RAD23B: variants seen among roughly 807,000 people sequenced by gnomAD.
The protein encoded by RAD23B is RAD23 nucleotide excision repair protein B.
In RAD23B, 5 loss-of-function variants were observed where a neutral mutation model predicts 49.1. That is an observed-to-expected ratio of 0.10 (90% CI 0.05 to 0.21). RAD23B has a LOEUF of 0.21. Among genes scored for constraint, RAD23B ranks in the 10% least tolerant of loss-of-function variants. RAD23B has a pLI of 1.00. For synonymous variants in RAD23B, 184 were observed against 165.4 expected (o/e 1.11, Z -0.86); for missense variants, 356 against 486.7 (o/e 0.73, Z 2.53).
chr9:107,325,146 C>T (rs1287470888), intron 9 of RAD23B, 142 bp downstream of exon 9: 1 of 643,494 alleles, frequency 1.6e-6, no homozygotes, highest in African/African-American at 1.9e-5. Context: ...GAAACCCCAT[C>T]TCTACTAAAA....
In RAD23B at chr9:107,329,687, C is replaced by T. The variant is rs374812476; in HGVS notation, c.*31C>T. ...ACTTTTTTATATCTCACACTTCACA[C>T]CAGTGCATTACACTAACTTGTTCAC... On this transcript the variant is annotated 3_prime_UTR_variant, in exon 10 of 10. Transcript: ENST00000358015. 43 of 1,431,522 alleles carry T rather than the reference C, an allele frequency of 3.0e-5. No homozygotes were observed. In the African/African-American group the frequency reaches 5.6e-4, roughly 19 times the overall value. The allele number at this position is 1,431,522 out of a possible 1,614,324, so 88.7% of individuals were successfully genotyped here. A position where few individuals can be genotyped will look rare whatever the true frequency, so the allele number is the denominator to read the frequency against.
intron 5 of RAD23B, among the ~76,000 whole-genome samples, chr9:107,317,694 A>G (rs1827023326): frequency 6.6e-6 from 1 of 151,884 alleles, no homozygotes; most frequent in East Asian, 2.0e-4. Context: ...TGAGGCAACA[A>G]TAAAGGTAAT....
intron 4 of RAD23B, among the ~76,000 whole-genome samples, chr9:107,310,369 T>A (rs1431672464): frequency 6.6e-6 from 1 of 152,140 alleles, no homozygotes; most frequent in African/African-American, 2.4e-5. Flanking sequence ...ATTGATGAAT[T>A]TGACTATAGA....
chr9:107,327,553 T>C (rs947442212), intron 9 of RAD23B, among the ~76,000 whole-genome samples: 21 of 152,202 alleles, frequency 1.4e-4, no homozygotes, highest in Non-Finnish European at 1.0e-4. Flanking sequence ...TGTGTTAATT[T>C]CCACAAGTTT....
In RAD23B at chr9:107,283,711, G is replaced by GGGGGCAGGGGCA. The variant is rs11573612; in HGVS notation, c.66+18_66+29dup. On this transcript the variant is annotated intron_variant, in intron 1 of 9. Coordinates refer to ENST00000358015, the MANE Select transcript of RAD23B (RefSeq NM_002874.5). The stretch of plus-strand genomic sequence containing the variant: ...CGAGGAGACGGTATGCGCGCGGGCC[G>GGGGGCAGGGGCA]GGGGCAGGGGCAGCCGCGTGCGGGC... The GGGGGCAGGGGCA allele has an allele frequency of 9.7e-6, 14 of 1,448,204 alleles. No individual in the cohort carries two copies. Among genetic ancestry groups the GGGGGCAGGGGCA allele is most frequent in the Middle Eastern group, 2.3e-4 (1 of 4,384 alleles). 89.7% of individuals were successfully genotyped at this position (1,448,204 alleles called of 1,614,324 possible). A position where few individuals can be genotyped will look rare whatever the true frequency, so the allele number is the denominator to read the frequency against.
chr9:107,292,173 A>G (rs1833396059), intron 1 of RAD23B, among the ~76,000 whole-genome samples: 1 of 152,224 alleles, frequency 6.6e-6, no homozygotes, highest in African/African-American at 2.4e-5. Context: ...ATTCATTTAT[A>G]TTGCATAATG....
intron 2 of RAD23B, 68 bp from the exon 3 acceptor site, chr9:107,301,967 G>A: frequency 1.3e-6 from 2 of 1,556,036 alleles, no homozygotes; most frequent in South Asian, 1.2e-5. Context: ...CGAGTAGAAA[G>A]TTGTTTTAAC....
At chr9:107,329,392 A>G (rs1827267160) in intron 9 of RAD23B, 151 bp from the exon 10 acceptor site, 2 of 534,504 alleles carry the variant, frequency 3.7e-6, no homozygotes, top group Non-Finnish European at 6.6e-6. Flanking sequence ...AGATGAATTC[A>G]TGTAAAATTC....
chr9:107,289,089 T>G, intron 1 of RAD23B, among the ~76,000 whole-genome samples: 1 of 83,304 alleles, frequency 1.2e-5, no homozygotes, highest in African/African-American at 8.4e-5. Context: ...CCTCCCTCCT[T>G]TCCTCCCTTC....
chr9:107,297,582 G>A (rs1381372813), intron 1 of RAD23B, among the ~76,000 whole-genome samples: 2 of 152,118 alleles, frequency 1.3e-5, no homozygotes, highest in Admixed American at 6.6e-5. Context: ...TAGGTGATCC[G>A]TCTGCCTTGG....
At chr9:107,287,567 T>C (rs10739236) in intron 1 of RAD23B, among the ~76,000 whole-genome samples, 24,871 of 152,168 alleles carry the variant, frequency 0.16, 2,412 homozygotes, top group Admixed American at 0.23. Flanking sequence ...GTGATTGTTA[T>C]AAAATACTGC....
chr9:107,322,010 G>A lies in RAD23B; in HGVS notation c.709G>A (p.Ala237Thr), dbSNP rs1429107999. The A allele has an allele frequency of 6.2e-7, 1 of 1,612,276 alleles. No individual in the cohort carries two copies. The highest frequency in any genetic ancestry group is 8.5e-7 in the Non-Finnish European group (1 of 1,179,298). The part of the protein sequence containing the change: ...MGIPGDRESQ[A>T]VVDPPQAAST... ...AATCCCTGGAGATAGAGAAAGTCAG[G>A]CTGTGGTTGACCCCCCTCAAGCAGC... Residue 237 changes from alanine (A) to threonine (T), a missense_variant, in exon 7 of 10, where the codon GCT becomes ACT. Ala to Thr is a moderately conservative substitution (Grantham distance 58, BLOSUM62 0). Transcript: ENST00000358015.
Position 107,323,875 on chromosome 9 carries a change from TTA to T in RAD23B, c.818-13_818-12del, listed in dbSNP as rs1308103348. 3 of 1,594,450 alleles carry T rather than the reference TTA, an allele frequency of 1.9e-6. No homozygotes were observed. Among genetic ancestry groups the T allele is most frequent in the Admixed American group, 1.7e-5 (1 of 59,976 alleles). On this transcript the variant is annotated splice_polypyrimidine_tract_variant and intron_variant, in intron 7 of 9. Transcript: ENST00000358015. ...ATTTACTGCTTTTGTTTAGAAATGT[TTA>T]TGTGTATTTTAGGACATCCCCTTGA...
intron 3 of RAD23B, 64 bp from the exon 4 acceptor site, chr9:107,306,315 C>CT: frequency 6.7e-7 from 1 of 1,503,588 alleles, no homozygotes; most frequent in South Asian, 1.2e-5. Context: ...ACGGTACAGT[C>CT]TAATTAGAGA....
chr9:107,311,748 G>T lies in RAD23B; in HGVS notation c.553+11G>T, dbSNP rs1299993112. On this transcript the variant is annotated intron_variant, in intron 5 of 9. Transcript: ENST00000358015. ...CAACGAGTGCACTTGGTAAGTATCT[G>T]CTTTTCCTTATAAATAACCTATAAA... 2 of 1,558,612 alleles carry T rather than the reference G, an allele frequency of 1.3e-6. No homozygotes were observed. Among genetic ancestry groups the T allele is most frequent in the South Asian group, 2.4e-5 (2 of 81,762 alleles).
chr9:107,312,796 GGCCTCGGCTCCAGCTGGA>G (rs916849607), intron 5 of RAD23B, among the ~76,000 whole-genome samples: 1 of 152,046 alleles, frequency 6.6e-6, no homozygotes, highest in African/African-American at 2.4e-5. Flanking sequence ...AACTGTCTGT[GGCCTCGGCTCCAGCTGGA>G]GCCAGCTAGC....
At chr9:107,328,953 ATT>A (rs1211013339) in intron 9 of RAD23B, among the ~76,000 whole-genome samples, 1 of 152,216 alleles carries the variant, frequency 6.6e-6, no homozygotes, top group African/African-American at 2.4e-5. Flanking sequence ...AAAATAGAAC[ATT>A]ATCTTCAAAA....
At chr9:107,329,415 T>C (rs1252146383) in intron 9 of RAD23B, 128 bp from the exon 10 acceptor site, 2 of 569,172 alleles carry the variant, frequency 3.5e-6, no homozygotes, top group South Asian at 2.6e-5. Flanking sequence ...AAGAGCTTTT[T>C]TGGGTTGCAG....
At chr9:107,303,125 C>G (rs943956149) in intron 3 of RAD23B, among the ~76,000 whole-genome samples, 10 of 151,948 alleles carry the variant, frequency 6.6e-5, no homozygotes, top group Admixed American at 1.3e-4. Context: ...AATTAAGAGA[C>G]AAATGGAGAA....
Sources: gnomAD v4.1 joint callset for allele counts (sites outside exome capture counted in the v4.1 genomes callset) on GRCh38, gnomAD v4.1.1 for gene constraint, MANE v1.5 for transcripts, NCBI Gene and HGNC (gene_info 2026-07-23, HGNC 2026-07-21) for gene names.